The following ARLN variants were observed in gnomAD, a reference collection of about 807,000 sequenced individuals.
ARLN encodes the protein allregulin.
At chr4:119,304,113 G>A in the ARLN span, 24 of 642,192 alleles carry the variant, frequency 3.7e-5, no homozygotes, top group Non-Finnish European at 6.1e-5. Context: ...TGTTTTTCCT[G>A]TTAAACTGGA....
chr4:119,300,324 C>G, the ARLN span: 1 of 1,598,744 alleles, frequency 6.3e-7, no homozygotes. Flanking sequence ...ATTTTGCATT[C>G]GAGATACTCA....
the ARLN span, chr4:119,300,732 C>T: frequency 1.1e-5 from 17 of 1,516,424 alleles, no homozygotes; most frequent in African/African-American, 2.8e-5. Flanking sequence ...CCTCCGTGAC[C>T]GCTGGCATGA....
At chr4:119,304,328 C>T in the ARLN span, 2 of 1,537,068 alleles carry the variant, frequency 1.3e-6, no homozygotes, top group South Asian at 2.4e-5. Flanking sequence ...TTCTCAAGAT[C>T]AAGGCAGTGA....
the ARLN span, among the ~76,000 whole-genome samples, chr4:119,299,031 G>T: frequency 6.6e-6 from 1 of 152,070 alleles, no homozygotes; most frequent in Non-Finnish European, 1.5e-5. Context: ...GCTTGACAGA[G>T]AATTTTATAG....
the ARLN span, among the ~76,000 whole-genome samples, chr4:119,299,003 A>G: frequency 3.9e-5 from 6 of 151,914 alleles, no homozygotes; most frequent in Non-Finnish European, 7.4e-5. Context: ...GGAGAGTAAA[A>G]CTCTCCCTTT....
chr4:119,298,559 C>A, the ARLN span: 1 of 449,008 alleles, frequency 2.2e-6, no homozygotes, highest in East Asian at 3.4e-5. Flanking sequence ...AAACACGAAC[C>A]AAAGGGTTTA....
the ARLN span, chr4:119,296,753 C>G: frequency 2.6e-5 from 4 of 152,160 alleles, no homozygotes; most frequent in African/African-American, 4.8e-5. Flanking sequence ...TCTACTGATT[C>G]AAATGCTAAT....
chr4:119,300,579 T>A, the ARLN span: 1 of 1,613,924 alleles, frequency 6.2e-7, no homozygotes, highest in East Asian at 2.2e-5. Flanking sequence ...CCGAAAATGC[T>A]TAAGTTCCCG....
chr4:119,300,846 G>A, the ARLN span: 4 of 1,426,834 alleles, frequency 2.8e-6, no homozygotes, highest in African/African-American at 1.4e-5. Context: ...GAAGAAATAC[G>A]TTCTCGTCCC....
chr4:119,302,019 C>G, the ARLN span, among the ~76,000 whole-genome samples: 6 of 152,134 alleles, frequency 3.9e-5, no homozygotes, highest in Non-Finnish European at 7.4e-5. Flanking sequence ...CAAAAAGACC[C>G]TGGGCTTAAG....
chr4:119,299,297 G>C, the ARLN span, among the ~76,000 whole-genome samples: 7 of 152,196 alleles, frequency 4.6e-5, no homozygotes, highest in Non-Finnish European at 4.4e-5. Flanking sequence ...AAATGAGACA[G>C]TGAGGCTTAA....
chr4:119,300,291 T>C, the ARLN span: 10 of 1,486,320 alleles, frequency 6.7e-6, no homozygotes, highest in African/African-American at 8.5e-5. Flanking sequence ...GAGCAAATGA[T>C]CTCTAAGCTC....
chr4:119,303,612 T>A, the ARLN span, among the ~76,000 whole-genome samples: 1 of 152,172 alleles, frequency 6.6e-6, no homozygotes, highest in East Asian at 1.9e-4. Flanking sequence ...TGCTGGGCGC[T>A]GTTGTTCACA....
chr4:119,299,031 G>A, the ARLN span, among the ~76,000 whole-genome samples: 1 of 152,070 alleles, frequency 6.6e-6, no homozygotes, highest in East Asian at 1.9e-4. Context: ...GCTTGACAGA[G>A]AATTTTATAG....
chr4:119,304,394 C>T, the ARLN span: 5 of 1,536,808 alleles, frequency 3.3e-6, no homozygotes, highest in African/African-American at 1.4e-5. Flanking sequence ...TTATTTCCCT[C>T]TACATTCTGT....
At chr4:119,297,981 G>A in the ARLN span, 5 of 152,486 alleles carry the variant, frequency 3.3e-5, no homozygotes, top group Non-Finnish European at 7.3e-5. Flanking sequence ...TTTGTTGAAT[G>A]AGTAAATATG....
chr4:119,304,194 C>G, the ARLN span: 3 of 1,363,986 alleles, frequency 2.2e-6, no homozygotes, highest in Non-Finnish European at 3.0e-6. Flanking sequence ...CATAAAATTT[C>G]CTTCACTACA....
At chr4:119,296,571 C>A in the ARLN span, 1 of 152,158 alleles carries the variant, frequency 6.6e-6, no homozygotes, top group Non-Finnish European at 1.5e-5. Context: ...GGGCCCTGGT[C>A]CATGTCTGAA....
At chr4:119,300,813 A>G in the ARLN span, 2 of 1,439,784 alleles carry the variant, frequency 1.4e-6, no homozygotes, top group South Asian at 2.9e-5. Context: ...CCAGGCAGAT[A>G]GCTGGTTATT....
Sources: gnomAD v4.1 joint callset for allele counts (sites outside exome capture counted in the v4.1 genomes callset) on GRCh38, gnomAD v4.1.1 for gene constraint, MANE v1.5 for transcripts, NCBI Gene and HGNC (gene_info 2026-07-23, HGNC 2026-07-21) for gene names.